The following TCF3 variants were observed in gnomAD, a reference collection of about 807,000 sequenced individuals.
TCF3 encodes transcription factor E2-alpha.
In TCF3, 54 loss-of-function variants were observed where a neutral mutation model predicts 72.3. The observed-to-expected ratio is 0.75, with a 90% confidence interval of 0.60 to 0.94. TCF3 has a LOEUF of 0.94. Ranked by LOEUF, TCF3 falls within the 40% of genes least tolerant of loss-of-function variation. TCF3 has a pLI of 0.00. For synonymous variants in TCF3, 525 were observed against 412.6 expected, an observed-to-expected ratio of 1.27 and a Z score of -3.30; for missense variants, 1,078 against 934.4, an observed-to-expected ratio of 1.15 and a Z score of -2.00.
intron 3 of TCF3, among the ~76,000 whole-genome samples, chr19:1,643,273 G>T (rs1416929636): frequency 6.6e-6 from 1 of 151,462 alleles, no homozygotes; most frequent in African/African-American, 2.4e-5. Flanking sequence ...CAGGCTGCAG[G>T]GCAGTGGCGC....
At chr19:1,646,114 C>A (rs2066047995) in intron 3 of TCF3, among the ~76,000 whole-genome samples, 1 of 152,174 alleles carries the variant, frequency 6.6e-6, no homozygotes, top group African/African-American at 2.4e-5. Context: ...GACCCAGGCT[C>A]CAGGCGCGGG....
chr19:1,650,559 C>T (rs1055707807), intron 1 of TCF3: 2 of 357,394 alleles, frequency 5.6e-6, no homozygotes, highest in African/African-American at 4.2e-5. Context: ...AACTCCCTAA[C>T]TCCCCCAGGG....
chr19:1,651,771 A>C (rs2067115184), intron 1 of TCF3, among the ~76,000 whole-genome samples: 1 of 150,976 alleles, frequency 6.6e-6, no homozygotes, highest in Non-Finnish European at 1.5e-5. Context: ...CTCGCCCCGC[A>C]TTAACGCGGA....
intron 1 of TCF3, chr19:1,650,550 A>G: frequency 2.8e-6 from 1 of 361,896 alleles, no homozygotes; most frequent in East Asian, 4.2e-5. Flanking sequence ...GCAAATATAA[A>G]CTCCCTAACT....
At chr19:1,635,105 G>A (rs1173682455) in intron 3 of TCF3, among the ~76,000 whole-genome samples, 2 of 152,230 alleles carry the variant, frequency 1.3e-5, no homozygotes, top group African/African-American at 4.8e-5. Context: ...CCTGAACACA[G>A]CCCTGTGTAC....
At position 1,610,878 on chromosome 19, in the gene TCF3, A is replaced by T. The variant is rs555257314; in HGVS notation, c.*829T>A. On this transcript the variant is annotated 3_prime_UTR_variant, in exon 19 of 19. Coordinates refer to ENST00000262965, the MANE Select transcript of TCF3 (RefSeq NM_003200.5). The stretch of plus-strand genomic sequence containing the variant: ...AGAGAACCCCCAACATCAAAAAAAC[A>T]AAAGACCCGCCGCCTGTCCCCGTTC... 1.7e-3 allele frequency: 280 copies of T among 163,592 alleles called. 3 individuals are homozygous for T. In the South Asian group the frequency reaches 0.022, roughly 13 times the overall value. The allele number at this position is 163,592 out of a possible 1,614,324, so 10.1% of individuals were successfully genotyped here. A position where few individuals can be genotyped will look rare whatever the true frequency, so the allele number is the denominator to read the frequency against.
Position 1,614,102 on chromosome 19 carries a change from T to A in TCF3, c.1822+1183A>T, listed in dbSNP as rs1163843627. 6.6e-6 allele frequency among the ~76,000 whole-genome samples: 1 copy of A among 152,250 alleles called. No homozygotes were observed. The highest frequency in any genetic ancestry group is 1.5e-5 in the Non-Finnish European group (1 of 68,034). On this transcript the variant is annotated intron_variant, in intron 18 of 18. Coordinates refer to ENST00000262965, the MANE Select transcript of TCF3 (RefSeq NM_003200.5). The surrounding 1 kb of genome is among the most constrained non-coding windows in gnomAD (Gnocchi z 5.6). ...TGCCGGTCCCCATCAGGGCACCCACTGCTCTAGGTTGTGGTGAAGATGAAA... is the reference window on the plus strand; with the variant it reads ...TGCCGGTCCCCATCAGGGCACCCACAGCTCTAGGTTGTGGTGAAGATGAAA...
intron 3 of TCF3, among the ~76,000 whole-genome samples, chr19:1,634,439 C>T (rs1029362324): frequency 2.0e-5 from 3 of 152,210 alleles, no homozygotes; most frequent in African/African-American, 4.8e-5. Context: ...GAGTGGACGG[C>T]GCAGGGGCGC....
At chr19:1,619,758 G>GTGGGC (rs1568358295) in intron 14 of TCF3, 22 bp downstream of exon 14, 1 of 1,541,716 alleles carries the variant, frequency 6.5e-7, no homozygotes, top group African/African-American at 1.4e-5. Flanking sequence ...GAAGGGTGGG[G>GTGGGC]TGGGGCGGGG....
At chr19:1,619,936 C>T (rs568278775) in intron 13 of TCF3, 83 bp from the exon 14 acceptor site, 5 of 1,222,602 alleles carry the variant, frequency 4.1e-6, no homozygotes, top group Non-Finnish European at 5.8e-6. Flanking sequence ...GATTCATGAA[C>T]CACCCCGCCT....
At position 1,622,099 on chromosome 19, in the gene TCF3, A is replaced by G. The variant is rs1184299722; in HGVS notation, c.777T>C (p.Ser259=). The G allele has an allele frequency of 3.7e-6, 6 of 1,604,246 alleles. No homozygotes were observed. The highest frequency in any genetic ancestry group is 1.7e-4 in the Middle Eastern group (1 of 5,734). Residue 259 remains serine (S), a synonymous_variant, in exon 10 of 19, where the codon AGT becomes AGC. Transcript: ENST00000262965. ...GGCCACCAAACGTGCTGCTGCTTCCACTGCTGCCCACCGGGCCGCTACCGG... is the reference window on the plus strand; with the variant it reads ...GGCCACCAAACGTGCTGCTGCTTCCGCTGCTGCCCACCGGGCCGCTACCGG... The part of the protein sequence containing the change: ...LPPGSGPVGS[S]GSSSTFGGLH...
At position 1,650,256 on chromosome 19, in the gene TCF3, G is replaced by A. The variant is rs1362843878; in HGVS notation, c.-8C>T. ...CCTCTGCGGCTGGTTCATTCTCCTG[G>A]GGCCAGGGCGGGCACCTCAGGCCTG... On this transcript the variant is annotated 5_prime_UTR_variant, in exon 2 of 19. Coordinates refer to ENST00000262965, the MANE Select transcript of TCF3 (RefSeq NM_003200.5). 4 of 1,556,806 alleles carry A rather than the reference G, an allele frequency of 2.6e-6. No individual in the cohort carries two copies. The African/African-American group carries it at 5.4e-5, about 21-fold the overall frequency.
At chr19:1,646,695 TC>T (rs1221858153) in intron 2 of TCF3, among the ~76,000 whole-genome samples, 1 of 151,684 alleles carries the variant, frequency 6.6e-6, no homozygotes, top group Non-Finnish European at 1.5e-5. Context: ...CCAGGCAGAG[TC>T]CCTGCCGCTG....
At chr19:1,644,349 A>T (rs1378061158) in intron 3 of TCF3, among the ~76,000 whole-genome samples, 3 of 151,708 alleles carry the variant, frequency 2.0e-5, no homozygotes, top group African/African-American at 7.2e-5. Flanking sequence ...TGCATCCTCC[A>T]CCACCCCCGG....
chr19:1,619,004 C>G, intron 16 of TCF3, 107 bp downstream of exon 16: 1 of 1,544,646 alleles, frequency 6.5e-7, no homozygotes, highest in Non-Finnish European at 8.7e-7. Context: ...CCAGGTGCCC[C>G]CACGGTGACA....
intron 16 of TCF3, among the ~76,000 whole-genome samples, chr19:1,618,657 T>A (rs1028191885): frequency 6.6e-5 from 10 of 152,166 alleles, no homozygotes; most frequent in African/African-American, 2.4e-4. Flanking sequence ...TGCCTACTCT[T>A]GCCTCCTCCC....
In TCF3 at chr19:1,614,604, C is replaced by T. The variant is rs746143626; in HGVS notation, c.1822+681G>A. Among the ~76,000 whole-genome samples, 1 of 152,046 alleles carries T rather than the reference C, an allele frequency of 6.6e-6. No homozygotes were observed. Among genetic ancestry groups the T allele is most frequent in the Non-Finnish European group, 1.5e-5 (1 of 67,982 alleles). On this transcript the variant is annotated intron_variant, in intron 18 of 18. Coordinates refer to ENST00000262965, the MANE Select transcript of TCF3 (RefSeq NM_003200.5). This position sits in a 1 kb window ranked among gnomAD's most constrained non-coding sequence, Gnocchi z 5.6. Reference sequence around the variant, plus strand: ...CCGGGCCGGGGCTCTGGCTCCGGTCCCAGCAACAGTGCTGCAGGAGAGAAA... The same window carrying T: ...CCGGGCCGGGGCTCTGGCTCCGGTCTCAGCAACAGTGCTGCAGGAGAGAAA...
At chr19:1,627,586 T>TCC (rs1417245963) in intron 5 of TCF3, among the ~76,000 whole-genome samples, 160 bp from the exon 6 acceptor site, 1 of 151,702 alleles carries the variant, frequency 6.6e-6, no homozygotes, top group Non-Finnish European at 1.5e-5. Context: ...TGTGCCCATC[T>TCC]CGGGGAGCCC....
At chr19:1,647,150 T>A (rs902875906) in intron 2 of TCF3, among the ~76,000 whole-genome samples, 3 of 152,178 alleles carry the variant, frequency 2.0e-5, no homozygotes, top group Admixed American at 2.0e-4. Context: ...GGTGTGGGAC[T>A]GCCACCCTCC....
Sources: allele counts gnomAD v4.1 joint callset (sites outside exome capture counted in the v4.1 genomes callset), GRCh38; gene constraint gnomAD v4.1.1; non-coding constraint Gnocchi (gnomAD v3.1); transcripts MANE v1.5; gene names NCBI Gene and HGNC (gene_info 2026-07-23, HGNC 2026-07-21).